Variants in MEPCE observed in about 807,000 individuals in gnomAD.
The protein encoded by MEPCE is 7SK snRNA methylphosphate capping enzyme.
A neutral mutation model predicts 52.3 loss-of-function variants in MEPCE; 9 were observed. The ratio of observed to expected loss-of-function variants is 0.17; its 90% CI spans 0.10 to 0.30. MEPCE has a LOEUF of 0.30. Ranked by LOEUF, MEPCE falls within the 10% of genes least tolerant of loss-of-function variation. The pLI is 1.00. For synonymous variants in MEPCE, 477 were observed against 401.6 expected, an observed-to-expected ratio of 1.19 and a Z score of -2.25; for missense variants, 826 against 933.0, an observed-to-expected ratio of 0.89 and a Z score of 1.49.
rs748805752 is a variant in MEPCE at position 100,432,938 on chromosome 7, G to A, written c.1691G>A (p.Arg564Gln). 34 of 1,613,984 alleles carry A rather than the reference G, an allele frequency of 2.1e-5. No individual in the cohort carries two copies. The highest frequency in any genetic ancestry group is 2.5e-5 in the Non-Finnish European group (29 of 1,180,002). The stretch of plus-strand genomic sequence containing the variant: ...CCTCAGGGTAATTATGTGCTGGATC[G>A]AGATGACCTGGTGGAGGCCCAAACA... ...VFVTGNYVLDRDDLVEAQTPE... is the reference protein window; with the variant it reads ...VFVTGNYVLDQDDLVEAQTPE... Residue 564 changes from arginine (R) to glutamine (Q), a missense_variant, in exon 2 of 4, where the codon CGA becomes CAA. By Grantham distance (43) the Arg-to-Gln change is conservative (BLOSUM62 1). Transcript: ENST00000310512.
chr7:100,429,156 G>C (rs757913331), upstream of MEPCE: 1 of 151,988 alleles, frequency 6.6e-6, no homozygotes, highest in Non-Finnish European at 1.5e-5. Context: ...GGTGGGCAGA[G>C]GGGGGGAGGT....
rs1158011411 is a variant in MEPCE, at chr7:100,433,392, A to G, written c.2017+3A>G. The G allele has an allele frequency of 6.2e-7, 1 of 1,614,070 alleles. No homozygotes were observed. The highest frequency in any genetic ancestry group is 1.3e-5 in the African/African-American group (1 of 74,936). On this transcript the variant is annotated splice_donor_region_variant and intron_variant, in intron 3 of 3. Coordinates refer to ENST00000310512, the MANE Select transcript of MEPCE (RefSeq NM_019606.6). ...CACACCCCACAACACCTCTAAAGGT[A>G]AGGCTGGTTTATTTTGTCAGGGAGG...
rs748460326 is a variant in MEPCE at position 100,430,378 on chromosome 7, C to T, written c.360C>T (p.Gly120=). Residue 120 remains glycine (G), a synonymous_variant, in exon 1 of 4, where the codon GGC becomes GGT. Transcript: ENST00000310512. ...PDVGEERRGG[G]GTELGPPAPP... ...TGGGGGAGGAGCGCCGGGGAGGGGG[C>T]GGGACAGAGCTGGGTCCCCCTGCTC... 4.6e-5 allele frequency: 67 copies of T among 1,465,384 alleles called. 2 individuals carry two copies. Among genetic ancestry groups the T allele is most frequent in the Middle Eastern group, 4.2e-4 (2 of 4,782 alleles). The allele number at this position is 1,465,384 out of a possible 1,614,324, so 90.8% of individuals were successfully genotyped here. A position where few individuals can be genotyped will look rare whatever the true frequency, so the allele number is the denominator to read the frequency against.
chr7:100,431,824 G>C, intron 1 of MEPCE, 135 bp downstream of exon 1: 1 of 812,166 alleles, frequency 1.2e-6, no homozygotes, highest in Non-Finnish European at 1.9e-6. Context: ...TCTGCTGGGC[G>C]TCTCTCCCCT....
rs745881376 is a variant in MEPCE at position 100,430,569 on chromosome 7, A to G, written c.551A>G (p.Asn184Ser). The G allele has an allele frequency of 6.2e-6, 10 of 1,601,512 alleles. No individual in the cohort carries two copies. Among genetic ancestry groups the G allele is most frequent in the Non-Finnish European group, 7.7e-6 (9 of 1,173,618 alleles). Residue 184 changes from asparagine (N) to serine (S), a missense_variant, in exon 1 of 4, where the codon AAC (asparagine) becomes AGC (serine). Physicochemically the swap from Asn to Ser is conservative, Grantham distance 46. Coordinates refer to ENST00000310512, the MANE Select transcript of MEPCE (RefSeq NM_019606.6). ...NSDCDSVLPS[N>S]FLLGGNIFDP... ...GACTGTGACTCTGTGTTACCCTCCA[A>G]CTTCCTCCTGGGGGGCAATATCTTT...
chr7:100,433,146 G>A lies in MEPCE; in HGVS notation c.1890+9G>A, dbSNP rs529417621. 12 of 1,613,856 alleles carry A rather than the reference G, an allele frequency of 7.4e-6. No homozygotes were observed. Among genetic ancestry groups the A allele is most frequent in the Non-Finnish European group, 1.0e-5 (12 of 1,179,934 alleles). ...AGAGAAAGACTCTTACAGTGAGTTG[G>A]GTGTTGGGGGAATAGTCATTCCTTT... On this transcript the variant is annotated intron_variant, in intron 2 of 3. Transcript: ENST00000310512.
At position 100,432,517 on chromosome 7, in the gene MEPCE, C is replaced by T. The variant is rs144112883; in HGVS notation, c.1672-402C>T. On this transcript the variant is annotated intron_variant, in intron 1 of 3. Transcript: ENST00000310512. ...AGGCCTGAAACTTTGCCAGCCCCAA[C>T]TGCAGGGAAGGAACCACAGGTCTGC... 2.0e-4 allele frequency among the ~76,000 whole-genome samples: 31 copies of T among 152,346 alleles called. No individual in the cohort carries two copies. In the East Asian group the frequency reaches 5.6e-3, roughly 27 times the overall value.
At position 100,432,951 on chromosome 7, in the gene MEPCE, G is replaced by A. The variant is rs1383777299; in HGVS notation, c.1704G>A (p.Val568=). ...GNYVLDRDDL[V]EAQTPEYDVV... The stretch of plus-strand genomic sequence containing the variant: ...ATGTGCTGGATCGAGATGACCTGGT[G>A]GAGGCCCAAACACCTGAGTATGATG... The change falls in exon 2 of 4, where the codon GTG becomes GTA. Residue 568 remains valine (V), a synonymous_variant. Transcript: ENST00000310512. The A allele has an allele frequency of 6.2e-7, 1 of 1,614,060 alleles. No homozygotes were observed.
Position 100,430,964 on chromosome 7 carries a change from T to C in MEPCE, c.946T>C (p.Tyr316His), listed in dbSNP as rs143606093. The change falls in exon 1 of 4, where the codon TAT (tyrosine) becomes CAT (histidine). Residue 316 changes from tyrosine (Y) to histidine (H), a missense_variant. Physicochemically the swap from Tyr to His is moderately conservative, Grantham distance 83. Around this residue, in one of 7 missense-constraint regions of MEPCE, gnomAD observed 307 missense variants for 292.1 expected, o/e 1.05. Transcript: ENST00000310512. ...RGQNRDAPQPYELNTAINCRD... is the reference protein window; with the variant it reads ...RGQNRDAPQPHELNTAINCRD... ...CCAGAACCGGGATGCCCCCCAACCC[T>C]ATGAACTCAACACAGCCATCAACTG... The C allele has an allele frequency of 6.2e-7, 1 of 1,610,282 alleles. No homozygotes were observed. Among genetic ancestry groups the C allele is most frequent in the African/African-American group, 1.3e-5 (1 of 74,862 alleles).
rs761506452 is a variant in MEPCE at position 100,430,502 on chromosome 7, T to C, written c.484T>C (p.Phe162Leu). The C allele has an allele frequency of 6.3e-7, 1 of 1,577,786 alleles. No homozygotes were observed. ...SCNVGGGGGG[F>L]KHPAFKRRRR... ...TAATGTAGGGGGAGGCGGGGGAGGC[T>C]TCAAACATCCGGCCTTCAAGAGGCG... The change falls in exon 1 of 4, where the codon TTC becomes CTC. Residue 162 changes from phenylalanine to leucine, a missense_variant. Coordinates refer to ENST00000310512, the MANE Select transcript of MEPCE (RefSeq NM_019606.6).
Position 100,430,358 on chromosome 7 carries a change from G to A in MEPCE, c.340G>A (p.Glu114Lys), listed in dbSNP as rs1798609239. ...GCGAGCCGCTCCCCCGGACGTGGGG[G>A]AGGAGCGCCGGGGAGGGGGCGGGAC... ...PGRAAPPDVG[E>K]ERRGGGGTEL... Residue 114 changes from glutamate to lysine, a missense_variant, in exon 1 of 4, where the codon GAG becomes AAG. Glu to Lys is a moderately conservative substitution (Grantham distance 56). Coordinates refer to ENST00000310512, the MANE Select transcript of MEPCE (RefSeq NM_019606.6). The A allele has an allele frequency of 1.4e-6, 2 of 1,436,706 alleles. No individual in the cohort carries two copies. The highest frequency in any genetic ancestry group is 2.8e-5 in the Admixed American group (1 of 35,476). The allele number at this position is 1,436,706 out of a possible 1,614,324, so 89.0% of individuals were successfully genotyped here. A position where few individuals can be genotyped will look rare whatever the true frequency, so the allele number is the denominator to read the frequency against.
Position 100,431,607 on chromosome 7 carries a change from G to C in MEPCE, c.1589G>C (p.Ser530Thr), listed in dbSNP as rs1004627522. The C allele has an allele frequency of 3.1e-6, 5 of 1,610,106 alleles. No individual in the cohort carries two copies. Among genetic ancestry groups the C allele is most frequent in the Non-Finnish European group, 4.2e-6 (5 of 1,180,028 alleles). ...TGCTTCCCAGCCTCGCTGACTGCCAGCCGGGGTCCCATCGCTGCCCCCCAA... is the reference window on the plus strand; with the variant it reads ...TGCTTCCCAGCCTCGCTGACTGCCACCCGGGGTCCCATCGCTGCCCCCCAA... Reference protein sequence around the residue: ...RSCFPASLTASRGPIAAPQVP... With the variant: ...RSCFPASLTATRGPIAAPQVP... The change falls in exon 1 of 4, where the codon AGC becomes ACC. Residue 530 changes from serine (S) to threonine (T), a missense_variant. By Grantham distance (58) the Ser-to-Thr change is moderately conservative. This residue lies in a region of MEPCE where 107 missense variants were observed against 157.9 expected (regional missense o/e 0.68). Coordinates refer to ENST00000310512, the MANE Select transcript of MEPCE (RefSeq NM_019606.6).
upstream of MEPCE, chr7:100,429,753 G>C (rs1393192167): frequency 2.8e-6 from 1 of 363,208 alleles, no homozygotes; most frequent in East Asian, 4.0e-5. Context: ...GCGCGCTCGC[G>C]GCCGGGTGGT....
In MEPCE at chr7:100,431,208, A is replaced by G; in HGVS notation, c.1190A>G (p.His397Arg). The change falls in exon 1 of 4, where the codon CAC (histidine) becomes CGC (arginine). Residue 397 changes from histidine to arginine, a missense_variant. By Grantham distance (29) the His-to-Arg change is conservative. Around this residue, in one of 7 missense-constraint regions of MEPCE, gnomAD observed 307 missense variants for 292.1 expected, o/e 1.05. Coordinates refer to ENST00000310512, the MANE Select transcript of MEPCE (RefSeq NM_019606.6). ...GGGAGTTGGGGAGGCCGCCACCACC[A>G]CCACCACCCACTGCCTGCAGCAGGC... The part of the protein sequence containing the change: ...GRGSWGGRHH[H>R]HHPLPAAGFK... 8 of 1,613,814 alleles carry G rather than the reference A, an allele frequency of 5.0e-6. No individual in the cohort carries two copies. Among genetic ancestry groups the G allele is most frequent in the Non-Finnish European group, 5.1e-6 (6 of 1,179,976 alleles).
intron 1 of MEPCE, 101 bp from the exon 2 acceptor site, chr7:100,432,818 A>C (rs1356051402): frequency 9.3e-7 from 1 of 1,076,802 alleles, no homozygotes. Context: ...GCCACGGGCT[A>C]AAGTGAGGCC....
upstream of MEPCE, chr7:100,428,957 C>T (rs1233349416): frequency 6.6e-6 from 1 of 152,322 alleles, no homozygotes; most frequent in Non-Finnish European, 1.5e-5. Context: ...TCAGCCGTTT[C>T]GGGGGAAGAG....
chr7:100,433,510 C>T lies in MEPCE; in HGVS notation c.2026C>T (p.Arg676Cys), dbSNP rs1211673928. ...ACTCTCTCTCCCCTCAGGCTTCCAG[C>T]GTCCTGTGTACCTGTTCCACAAGGC... ...TPHNTSKGFQ[R>C]PVYLFHKARS... Residue 676 changes from arginine to cysteine, a missense_variant, in exon 4 of 4, where the codon CGT (arginine) becomes TGT (cysteine). By Grantham distance (180) the Arg-to-Cys change is radical (BLOSUM62 -3). Around this residue, in one of 7 missense-constraint regions of MEPCE, gnomAD observed 82 missense variants for 121.4 expected, o/e 0.68. Coordinates refer to ENST00000310512, the MANE Select transcript of MEPCE (RefSeq NM_019606.6). 24 of 1,613,826 alleles carry T rather than the reference C, an allele frequency of 1.5e-5. No individual in the cohort carries two copies. The highest frequency in any genetic ancestry group is 3.3e-5 in the South Asian group (3 of 91,078).
chr7:100,430,938 G>T lies in MEPCE; in HGVS notation c.920G>T (p.Gly307Val), dbSNP rs1274665637. The T allele has an allele frequency of 6.2e-7, 1 of 1,608,680 alleles. No homozygotes were observed. Among genetic ancestry groups the T allele is most frequent in the Admixed American group, 1.7e-5 (1 of 59,774 alleles). Residue 307 changes from glycine (G) to valine (V), a missense_variant, in exon 1 of 4, where the codon GGC becomes GTC. Gly to Val is a moderately radical substitution (Grantham distance 109). Around this residue, in one of 7 missense-constraint regions of MEPCE, gnomAD observed 307 missense variants for 292.1 expected, o/e 1.05. Coordinates refer to ENST00000310512, the MANE Select transcript of MEPCE (RefSeq NM_019606.6). Reference sequence around the variant, plus strand: ...GCCTCACAGCAGCCGCGGCACAGGGGCCAGAACCGGGATGCCCCCCAACCC... The same window carrying T: ...GCCTCACAGCAGCCGCGGCACAGGGTCCAGAACCGGGATGCCCCCCAACCC... ...EGASQQPRHR[G>V]QNRDAPQPYE...
At chr7:100,429,758 G>T (rs1030557733), upstream of MEPCE, 177 of 370,876 alleles carry the variant, frequency 4.8e-4, no homozygotes, top group African/African-American at 3.1e-3. Context: ...CTCGCGGCCG[G>T]GTGGTAGTGG....
Sources: gnomAD v4.1 joint callset for allele counts (sites outside exome capture counted in the v4.1 genomes callset) on GRCh38, gnomAD v4.1.1 for gene constraint, gnomAD v4.1.1 regional missense constraint, MANE v1.5 for transcripts, NCBI Gene and HGNC (gene_info 2026-07-23, HGNC 2026-07-21) for gene names.